The following NRG3 variants were observed in gnomAD, a reference collection of about 807,000 sequenced individuals.
The protein encoded by NRG3 is pro-neuregulin-3, membrane-bound isoform.
Under a neutral mutation model 66.9 loss-of-function variants are expected in NRG3, and 31 were observed. The observed-to-expected ratio is 0.46, with a 90% CI of 0.35 to 0.63. The LOEUF (loss-of-function observed/expected upper bound fraction) is 0.63. NRG3 is among the 20% of genes least tolerant of loss of function. The pLI, the probability that NRG3 is intolerant of heterozygous loss-of-function variation, is 0.00. For missense variants in NRG3, 910 were observed against 878.9 expected, an observed-to-expected ratio of 1.04 and a Z score of -0.45; for synonymous variants, 393 against 359.4, an observed-to-expected ratio of 1.09 and a Z score of -1.06.
chr10:82,319,409 G>A (rs546393047), intron 1 of NRG3, among the ~76,000 whole-genome samples: 3 of 152,240 alleles, frequency 2.0e-5, no homozygotes, highest in African/African-American at 4.8e-5. Context: ...TTTAACTTTC[G>A]GAAGCCTAAA....
chr10:82,699,950 A>G (rs896576476), intron 2 of NRG3, among the ~76,000 whole-genome samples: 1 of 152,134 alleles, frequency 6.6e-6, no homozygotes, highest in Non-Finnish European at 1.5e-5. Context: ...GCATTGACTC[A>G]GATACAAAAT....
intron 3 of NRG3, among the ~76,000 whole-genome samples, chr10:82,808,189 C>A (rs2061361123): frequency 7.9e-6 from 1 of 127,108 alleles, no homozygotes; most frequent in Non-Finnish European, 1.8e-5. Context: ...ATAATTTCTA[C>A]ACACGTAGTA....
intron 1 of NRG3, among the ~76,000 whole-genome samples, chr10:82,173,656 G>T (rs1280182867): frequency 2.2e-5 from 3 of 136,024 alleles, no homozygotes; most frequent in Non-Finnish European, 4.8e-5. Context: ...TAAACACACA[G>T]AGATGTATGC....
chr10:82,950,695 C>T (rs557702769), intron 4 of NRG3, among the ~76,000 whole-genome samples: 38 of 152,152 alleles, frequency 2.5e-4, no homozygotes, highest in Middle Eastern at 3.4e-3. Context: ...GAAGACAAGA[C>T]GAGGATAATT....
chr10:82,527,081 T>G (rs1322998118), intron 2 of NRG3, among the ~76,000 whole-genome samples: 1 of 152,070 alleles, frequency 6.6e-6, no homozygotes, highest in Non-Finnish European at 1.5e-5. Context: ...TCAGGAATGT[T>G]TCATACCAAG....
At chr10:82,152,737 A>G (rs1453671974) in intron 1 of NRG3, among the ~76,000 whole-genome samples, 4 of 150,378 alleles carry the variant, frequency 2.7e-5, no homozygotes, top group East Asian at 3.9e-4. Context: ...TGAAATCTCT[A>G]TTGCTGTGGT....
At chr10:82,867,667 G>A (rs1291530186) in intron 4 of NRG3, among the ~76,000 whole-genome samples, 1 of 152,132 alleles carries the variant, frequency 6.6e-6, no homozygotes, top group Admixed American at 6.5e-5. Context: ...TAAAATAGGA[G>A]AACAAAAATA....
chr10:82,204,959 T>A (rs1243723791), intron 1 of NRG3, among the ~76,000 whole-genome samples: 1 of 152,232 alleles, frequency 6.6e-6, no homozygotes, highest in Non-Finnish European at 1.5e-5. Flanking sequence ...ATATGTCACA[T>A]GGCTCCAACA....
At chr10:82,163,923 T>A (rs1386134171) in intron 1 of NRG3, among the ~76,000 whole-genome samples, 3 of 117,592 alleles carry the variant, frequency 2.6e-5, no homozygotes, top group African/African-American at 1.2e-4. Flanking sequence ...TCTCTTAAAA[T>A]TTTTTTTTTT....
At chr10:82,486,103 T>C (rs1842657639) in intron 2 of NRG3, among the ~76,000 whole-genome samples, 1 of 152,116 alleles carries the variant, frequency 6.6e-6, no homozygotes, top group Non-Finnish European at 1.5e-5. Flanking sequence ...TGAAATATCA[T>C]CTCACACTTC....
intron 1 of NRG3, among the ~76,000 whole-genome samples, chr10:82,203,881 C>T (rs1475118073): frequency 6.6e-6 from 1 of 152,140 alleles, no homozygotes; most frequent in Non-Finnish European, 1.5e-5. Context: ...TTAGCATTCT[C>T]TAATGCAGTC....
chr10:82,829,270 A>T (rs168199), intron 3 of NRG3, among the ~76,000 whole-genome samples: 1 of 151,896 alleles, frequency 6.6e-6, no homozygotes, highest in East Asian at 1.9e-4. Flanking sequence ...GGAGCTCTGC[A>T]TTTCTGGATA....
intron 1 of NRG3, chr10:81,877,568 C>T: frequency 1.7e-6 from 1 of 585,042 alleles, no homozygotes; most frequent in Admixed American, 5.4e-5. Context: ...ACCCTTGAAA[C>T]TTTTTTCTTT....
chr10:81,932,674 G>A (rs996458897), intron 1 of NRG3, among the ~76,000 whole-genome samples: 1 of 152,098 alleles, frequency 6.6e-6, no homozygotes. Flanking sequence ...GTACAAGAAA[G>A]GATTAGTCAT....
intron 1 of NRG3, among the ~76,000 whole-genome samples, chr10:82,087,615 C>T (rs2065801739): frequency 6.6e-6 from 1 of 152,164 alleles, no homozygotes; most frequent in African/African-American, 2.4e-5. Context: ...TATCATTGCA[C>T]TGCCCATTGT....
chr10:82,949,774 G>A (rs1377585028), intron 4 of NRG3, among the ~76,000 whole-genome samples: 3 of 151,912 alleles, frequency 2.0e-5, no homozygotes, highest in African/African-American at 4.8e-5. Flanking sequence ...AGGATCACGT[G>A]AACCCAGGAG....
At chr10:82,929,590 T>G (rs535463703) in intron 4 of NRG3, among the ~76,000 whole-genome samples, 4 of 152,220 alleles carry the variant, frequency 2.6e-5, no homozygotes, top group African/African-American at 7.2e-5. Context: ...CAGTGTAGCA[T>G]TTGATTCCAA....
rs888494424 is a variant in NRG3 at position 82,464,341 on chromosome 10, A to C, written c.953+105473A>C. Among the ~76,000 whole-genome samples, 6 of 152,204 alleles carry C rather than the reference A, an allele frequency of 3.9e-5. No individual in the cohort carries two copies. The East Asian group carries it at 7.7e-4, about 20-fold the overall frequency. On this transcript the variant is annotated intron_variant, in intron 2 of 8. Coordinates refer to ENST00000372141, the MANE Select transcript of NRG3 (RefSeq NM_001010848.4). ...TTCCACTTTTCAATTTCTGACACTAAGTGATAATTATAGAGACTGAGAAGC... is the reference window on the plus strand; with the variant it reads ...TTCCACTTTTCAATTTCTGACACTACGTGATAATTATAGAGACTGAGAAGC...
At chr10:82,694,705 A>G (rs1015659526) in intron 2 of NRG3, among the ~76,000 whole-genome samples, 4 of 152,158 alleles carry the variant, frequency 2.6e-5, no homozygotes, top group Non-Finnish European at 4.4e-5. Flanking sequence ...CTGAGTCATA[A>G]TTGTGCCATT....
Sources: gnomAD v4.1 joint callset for allele counts (sites outside exome capture counted in the v4.1 genomes callset) on GRCh38, gnomAD v4.1.1 for gene constraint, MANE v1.5 for transcripts, NCBI Gene and HGNC (gene_info 2026-07-23, HGNC 2026-07-21) for gene names.